The following ST18 variants were observed in gnomAD, a reference collection of about 807,000 sequenced individuals.
ST18 encodes the protein suppression of tumorigenicity 18 protein.
Under a neutral mutation model 110.0 loss-of-function variants are expected in ST18, and 50 were observed. The observed-to-expected ratio is 0.45, with a 90% CI of 0.36 to 0.58. ST18 has a LOEUF of 0.58. Among genes scored for constraint, ST18 ranks in the 20% least tolerant of loss-of-function variants. The pLI, the probability that ST18 is intolerant of heterozygous loss-of-function variation, is 0.00. For synonymous variants in ST18, 461 were observed against 452.4 expected (o/e 1.02, Z -0.24); for missense variants, 1,306 against 1,280.1 (o/e 1.02, Z -0.31).
At chr8:52,328,863 T>A (rs1285971879) in intron 2 of ST18, among the ~76,000 whole-genome samples, 3 of 152,134 alleles carry the variant, frequency 2.0e-5, no homozygotes, top group Non-Finnish European at 4.4e-5. Context: ...GAAGTTTCTG[T>A]CTGCTGGGGG....
rs1217957456 is a variant in ST18, at chr8:52,389,321, G to C, written c.-465+20007C>G. ...CCCGGTGAGGAGGCTAGCAGTGGAG[G>C]TTTGCAGGAAAGCTGCTGTTTCCCT... is the stretch of plus-strand genomic sequence containing the variant. On this transcript the variant is annotated intron_variant, in intron 2 of 25. Coordinates refer to ENST00000689386, the MANE Select transcript of ST18 (RefSeq NM_001352837.2). 3.3e-5 allele frequency among the ~76,000 whole-genome samples: 5 copies of C among 152,212 alleles called. No individual in the cohort carries two copies. In the East Asian group the frequency reaches 7.7e-4, roughly 23 times the overall value.
intron 2 of ST18, among the ~76,000 whole-genome samples, chr8:52,283,543 C>T (rs1384440788): frequency 6.6e-6 from 1 of 152,154 alleles, no homozygotes; most frequent in Non-Finnish European, 1.5e-5. Context: ...AAGAAAGACA[C>T]TTCCAGAAGT....
At chr8:52,223,351 T>C (rs1329764325) in intron 3 of ST18, among the ~76,000 whole-genome samples, 5 of 152,212 alleles carry the variant, frequency 3.3e-5, no homozygotes, top group South Asian at 2.1e-4. Context: ...TAGATTTATT[T>C]ATGGGTCCTT....
intron 2 of ST18, among the ~76,000 whole-genome samples, chr8:52,362,367 C>A (rs972766626): frequency 3.9e-5 from 6 of 152,210 alleles, no homozygotes; most frequent in Admixed American, 6.5e-5. Context: ...GACTAGCAGT[C>A]TTAGGCAGCA....
rs371003758 is a variant in ST18 at position 52,322,295 on chromosome 8, C to T, written c.-465+87033G>A. ...GGCTGTCTTGTGAGATAGTCAAATA[C>T]TTTCCTAGTAGATCTCTCCTTCCCT... On this transcript the variant is annotated intron_variant, in intron 2 of 25. Coordinates refer to ENST00000689386, the MANE Select transcript of ST18 (RefSeq NM_001352837.2). Among the ~76,000 whole-genome samples, 413 of 152,282 alleles carry T rather than the reference C, an allele frequency of 2.7e-3. 1 individual carries two copies. Among genetic ancestry groups the T allele is most frequent in the Non-Finnish European group, 5.0e-3 (339 of 68,022 alleles).
At chr8:52,384,736 A>C (rs1417758903) in intron 2 of ST18, among the ~76,000 whole-genome samples, 1 of 151,742 alleles carries the variant, frequency 6.6e-6, no homozygotes, top group Non-Finnish European at 1.5e-5. Flanking sequence ...GTGTCATTCT[A>C]ATTGCTTTCA....
chr8:52,136,735 G>T, intron 18 of ST18, 77 bp from the exon 19 acceptor site: 1 of 1,235,612 alleles, frequency 8.1e-7, no homozygotes, highest in Non-Finnish European at 1.1e-6. Flanking sequence ...CCTGAGTCGT[G>T]AACATACGTT....
intron 2 of ST18, chr8:52,296,612 A>G (rs1324837903): frequency 6.6e-6 from 1 of 152,188 alleles, no homozygotes; most frequent in Non-Finnish European, 1.5e-5. Context: ...CAGCTTCCTT[A>G]TCTCTAGAAT....
chr8:52,138,861 T>C (rs758540788), intron 17 of ST18, among the ~76,000 whole-genome samples: 5 of 152,230 alleles, frequency 3.3e-5, no homozygotes, highest in Non-Finnish European at 7.3e-5. Context: ...ATACATGTTT[T>C]AGCCTTTTGA....
At position 52,116,389 on chromosome 8, in the gene ST18, C is replaced by A. The variant is rs766296777; in HGVS notation, c.2889G>T (p.Thr963=). The part of the protein sequence containing the change: ...QITSMESNLK[T]IEEENKLIEQ... ...CTATGAGTTTGTTCTCCTCCTCTAT[C>A]GTCTTTAAGTTGCTCTCCATAGATG... Residue 963 remains threonine, a synonymous_variant, in exon 25 of 26, where the codon ACG becomes ACT. Coordinates refer to ENST00000689386, the MANE Select transcript of ST18 (RefSeq NM_001352837.2). 2 of 1,613,848 alleles carry A rather than the reference C, an allele frequency of 1.2e-6. No homozygotes were observed. Among genetic ancestry groups the A allele is most frequent in the South Asian group, 1.1e-5 (1 of 91,044 alleles).
rs773777126 is a variant in ST18 at position 52,212,106 on chromosome 8, G to T, written c.59C>A (p.Pro20Gln). The T allele has an allele frequency of 6.2e-7, 1 of 1,601,430 alleles. No individual in the cohort carries two copies. The highest frequency in any genetic ancestry group is 1.8e-5 in the Admixed American group (1 of 56,156). Residue 20 changes from proline (P) to glutamine (Q), a missense_variant, in exon 8 of 26, where the codon CCA becomes CAA. Coordinates refer to ENST00000689386, the MANE Select transcript of ST18 (RefSeq NM_001352837.2). The part of the protein sequence containing the change: ...LRTRSKGTEV[P>Q]MDSLIQELSV... Reference sequence around the variant, plus strand: ...GAGCTCCTGGATTAGTGAATCCATTGGCACTGTTGACAAAAGAAGAAAAAA... The same window carrying T: ...GAGCTCCTGGATTAGTGAATCCATTTGCACTGTTGACAAAAGAAGAAAAAA...
At chr8:52,290,230 G>T (rs997148407) in intron 2 of ST18, among the ~76,000 whole-genome samples, 2 of 152,012 alleles carry the variant, frequency 1.3e-5, no homozygotes, top group Non-Finnish European at 2.9e-5. Flanking sequence ...CTCACTAAAG[G>T]CTCCACCTGA....
chr8:52,337,260 A>G (rs1164671901), intron 2 of ST18, among the ~76,000 whole-genome samples: 1 of 152,240 alleles, frequency 6.6e-6, no homozygotes, highest in East Asian at 1.9e-4. Flanking sequence ...TGAGAAATAC[A>G]ATAACAAGAG....
intron 2 of ST18, among the ~76,000 whole-genome samples, chr8:52,365,950 C>T (rs1177342468): frequency 6.6e-6 from 1 of 151,916 alleles, no homozygotes; most frequent in Admixed American, 6.6e-5. Flanking sequence ...ATTCTCCTGC[C>T]TCGGCCCTAC....
At chr8:52,269,278 A>T (rs1198101875) in intron 2 of ST18, among the ~76,000 whole-genome samples, 1 of 152,224 alleles carries the variant, frequency 6.6e-6, no homozygotes, top group Non-Finnish European at 1.5e-5. Flanking sequence ...GGGTGAATGC[A>T]TTCTCACATA....
At position 52,161,422 on chromosome 8, in the gene ST18, G is replaced by A. The variant is rs1448665391; in HGVS notation, c.1547C>T (p.Pro516Leu). 4.3e-6 allele frequency: 7 copies of A among 1,614,202 alleles called. No individual in the cohort carries two copies. Among genetic ancestry groups the A allele is most frequent in the Non-Finnish European group, 5.9e-6 (7 of 1,180,030 alleles). ...SFDAQVFGKRPLIQTVQGRKT... is the reference protein window; with the variant it reads ...SFDAQVFGKRLLIQTVQGRKT... ...TCGTCCTTGCACTGTTTGTATGAGA[G>A]GGCGTTTACCGAAAACTTGGGCATC... is the stretch of plus-strand genomic sequence containing the variant. The change falls in exon 14 of 26, where the codon CCT becomes CTT. Residue 516 changes from proline to leucine, a missense_variant. By Grantham distance (98) the Pro-to-Leu change is moderately conservative (BLOSUM62 -3). Coordinates refer to ENST00000689386, the MANE Select transcript of ST18 (RefSeq NM_001352837.2).
chr8:52,334,816 T>C (rs1811299376), intron 2 of ST18, among the ~76,000 whole-genome samples: 1 of 152,196 alleles, frequency 6.6e-6, no homozygotes, highest in Admixed American at 6.5e-5. Context: ...TGCTCATTTC[T>C]CTCAGCAAAT....
chr8:52,217,375 C>T (rs185361315), intron 6 of ST18, among the ~76,000 whole-genome samples: 186 of 152,130 alleles, frequency 1.2e-3, no homozygotes, highest in Non-Finnish European at 2.2e-3. Flanking sequence ...TAACTTGAAA[C>T]TACTTTAAGA....
chr8:52,136,986 A>C (rs537820112), intron 18 of ST18, among the ~76,000 whole-genome samples: 1 of 152,342 alleles, frequency 6.6e-6, no homozygotes, highest in Admixed American at 6.5e-5. Flanking sequence ...CTTTTCCAAG[A>C]GAAGACAAAT....
Sources: gnomAD v4.1 joint callset for allele counts (sites outside exome capture counted in the v4.1 genomes callset) on GRCh38, gnomAD v4.1.1 for gene constraint, MANE v1.5 for transcripts, NCBI Gene and HGNC (gene_info 2026-07-23, HGNC 2026-07-21) for gene names.